The following RNF123 variants were observed in gnomAD, a reference collection of about 807,000 sequenced individuals.
The protein encoded by RNF123 is ring finger protein 123, also known as E3 ubiquitin-protein ligase RNF123.
RNF123 carries 86 observed loss-of-function variants against 168.5 expected under a neutral mutation model. The observed-to-expected ratio is 0.51, with a 90% CI of 0.43 to 0.61. The LOEUF is 0.61. RNF123 is among the 20% of genes least tolerant of loss of function. RNF123 has a pLI of 0.00. For synonymous variants in RNF123, 666 were observed against 689.1 expected, an observed-to-expected ratio of 0.97 and a Z score of 0.52; for missense variants, 1,419 against 1,729.7, an observed-to-expected ratio of 0.82 and a Z score of 3.19.
chr3:49,721,406 C>G lies in RNF123; in HGVS notation c.*101C>G. The G allele has an allele frequency of 1.4e-6, 2 of 1,465,950 alleles. No homozygotes were observed. Among genetic ancestry groups the G allele is most frequent in the East Asian group, 4.5e-5 (2 of 44,204 alleles). The allele number at this position is 1,465,950 out of a possible 1,614,324, so 90.8% of individuals were successfully genotyped here. Reference sequence around the variant, plus strand: ...TTTGCCCTTCTCCTGTATCCCACACCACCACATCCAACCTCCTTGCCTGCC... The same window carrying G: ...TTTGCCCTTCTCCTGTATCCCACACGACCACATCCAACCTCCTTGCCTGCC... On this transcript the variant is annotated 3_prime_UTR_variant, in exon 39 of 39. Transcript: ENST00000327697.
Position 49,721,390 on chromosome 3 carries a change from C to G in RNF123, c.*85C>G, listed in dbSNP as rs773247466. 1.9e-6 allele frequency: 3 copies of G among 1,555,530 alleles called. No individual in the cohort carries two copies. The highest frequency in any genetic ancestry group is 1.8e-6 in the Non-Finnish European group (2 of 1,127,580). ...CTATTTATGAGCTCCCTTTGCCCTT[C>G]TCCTGTATCCCACACCACCACATCC... On this transcript the variant is annotated 3_prime_UTR_variant, in exon 39 of 39. Transcript: ENST00000327697.
At chr3:49,706,930 C>T in intron 26 of RNF123, 32 bp downstream of exon 26, 1 of 1,586,452 alleles carries the variant, frequency 6.3e-7, no homozygotes, top group Non-Finnish European at 8.7e-7. Context: ...CCCTTCCCGA[C>T]CTCACTGTCT....
At chr3:49,696,606 G>C (rs1157288827) in intron 3 of RNF123, among the ~76,000 whole-genome samples, 5 of 150,170 alleles carry the variant, frequency 3.3e-5, no homozygotes, top group African/African-American at 9.8e-5. Context: ...CAAAGTGCTG[G>C]GATTACAGGC....
chr3:49,718,640 CCGA>C, intron 35 of RNF123: 1 of 1,612,976 alleles, frequency 6.2e-7, no homozygotes, highest in Non-Finnish European at 8.5e-7. Context: ...AGAGCTGGGG[CCGA>C]CGAGCAGTTC....
intron 5 of RNF123, among the ~76,000 whole-genome samples, 177 bp from the exon 6 acceptor site, chr3:49,697,708 C>T (rs548754937): frequency 3.0e-4 from 45 of 152,338 alleles, no homozygotes; most frequent in African/African-American, 1.0e-3. Context: ...CCTGCCTTGG[C>T]CCAGGATCCT....
Position 49,712,644 on chromosome 3 carries a change from G to A in RNF123, c.2662G>A (p.Glu888Lys), listed in dbSNP as rs2080165538. 6.2e-7 allele frequency: 1 copy of A among 1,614,018 alleles called. No individual in the cohort carries two copies. Among genetic ancestry groups the A allele is most frequent in the Non-Finnish European group, 8.5e-7 (1 of 1,180,036 alleles). ...KNYFGPVHSM[E>K]ELPGYEETLT... ...TTACTTTGGTCCCGTGCACAGCATGGAGGAGCTCCCAGGTGATGGAACCAT... is the reference window on the plus strand; with the variant it reads ...TTACTTTGGTCCCGTGCACAGCATGAAGGAGCTCCCAGGTGATGGAACCAT... Residue 888 changes from glutamate (E) to lysine (K), a missense_variant, in exon 27 of 39, where the codon GAG becomes AAG. Glu to Lys is a moderately conservative substitution (Grantham distance 56, BLOSUM62 1). Transcript: ENST00000327697.
chr3:49,698,412 A>G (rs762293822), intron 7 of RNF123, 28 bp from the exon 8 acceptor site: 41 of 1,599,540 alleles, frequency 2.6e-5, no homozygotes, highest in Middle Eastern at 1.8e-4. Flanking sequence ...CTGCCTCACC[A>G]GGGACCTCAT....
At chr3:49,718,778 G>T in intron 35 of RNF123, 1 of 1,613,308 alleles carries the variant, frequency 6.2e-7, no homozygotes. Context: ...CGCTGTAGCA[G>T]GTGGTAGAGG....
At chr3:49,718,814 T>G (rs772957215) in intron 35 of RNF123, 1 of 1,613,196 alleles carries the variant, frequency 6.2e-7, no homozygotes, top group African/African-American at 1.3e-5. Context: ...AAAGGGTTGT[T>G]GTGCAAGTAG....
At chr3:49,691,606 T>G in intron 3 of RNF123, 97 bp downstream of exon 3, 2 of 917,548 alleles carry the variant, frequency 2.2e-6, no homozygotes, top group Non-Finnish European at 3.5e-6. Flanking sequence ...TCTGGACAGA[T>G]AGGCTTAGGC....
In RNF123 at chr3:49,698,750, G is replaced by A; in HGVS notation, c.571-5G>A. ...TGCATCTGGTGAGGCCTCCTCTCAT[G>A]GCAGGCGTGGGCAGCGGGGGACATC... On this transcript the variant is annotated splice_polypyrimidine_tract_variant and splice_region_variant and intron_variant, in intron 8 of 38. Coordinates refer to ENST00000327697, the MANE Select transcript of RNF123 (RefSeq NM_022064.5). 2 of 1,613,372 alleles carry A rather than the reference G, an allele frequency of 1.2e-6. No individual in the cohort carries two copies. Among genetic ancestry groups the A allele is most frequent in the Non-Finnish European group, 1.7e-6 (2 of 1,179,732 alleles).
Position 49,703,536 on chromosome 3 carries a change from C to T in RNF123, c.1852+8C>T, listed in dbSNP as rs1043191968. The T allele has an allele frequency of 1.2e-6, 2 of 1,610,918 alleles. No homozygotes were observed. Among genetic ancestry groups the T allele is most frequent in the African/African-American group, 1.3e-5 (1 of 75,012 alleles). On this transcript the variant is annotated splice_region_variant and intron_variant, in intron 21 of 38. Coordinates refer to ENST00000327697, the MANE Select transcript of RNF123 (RefSeq NM_022064.5). ...TGCGGAAGACCCTCAAAGGTGTGTA[C>T]AGGCCTGTGGGCCGGGAGCAGTTCT...
intron 35 of RNF123, 22 bp from the exon 36 acceptor site, chr3:49,720,489 C>T: frequency 6.5e-7 from 1 of 1,540,924 alleles, no homozygotes; most frequent in Non-Finnish European, 8.8e-7. Flanking sequence ...TTCTGACTGC[C>T]CTTGCACCCT....
intron 35 of RNF123, chr3:49,719,646 A>C (rs1340181406): frequency 3.4e-6 from 2 of 591,038 alleles, no homozygotes; most frequent in East Asian, 6.1e-5. Context: ...GCGGTGCGGC[A>C]CTCTTAGCCG....
intron 35 of RNF123, chr3:49,716,771 C>T (rs940296867): frequency 1.8e-5 from 7 of 384,776 alleles, no homozygotes; most frequent in East Asian, 4.7e-5. Flanking sequence ...GAGGGTGTGC[C>T]GTCCTGTGGT....
rs201393611 is a variant in RNF123, at chr3:49,699,633, C to T, written c.880-35C>T. On this transcript the variant is annotated intron_variant, in intron 11 of 38. Coordinates refer to ENST00000327697, the MANE Select transcript of RNF123 (RefSeq NM_022064.5). This position sits in a 1 kb window ranked among gnomAD's most constrained non-coding sequence, Gnocchi z 4.8. ...GGTGGGGGGCTTCCACAGCCTCCTG[C>T]CCCTCACACTTCTCCCTCCTCCCCC... is the stretch of plus-strand genomic sequence containing the variant. The T allele has an allele frequency of 2.1e-5, 34 of 1,612,210 alleles. 1 individual carries two copies. The East Asian group carries it at 7.6e-4, about 36-fold the overall frequency.
Position 49,699,952 on chromosome 3 carries a change from C to A in RNF123, c.984+180C>A. 1 of 706,130 alleles carries A rather than the reference C, an allele frequency of 1.4e-6. No homozygotes were observed. The highest frequency in any genetic ancestry group is 2.4e-6 in the Non-Finnish European group (1 of 424,304). 43.7% of individuals were successfully genotyped at this position (706,130 alleles called of 1,614,324 possible). ...GTCCCCTAGGGAAACAGGGACATTG[C>A]CAACCAAGGGCATCAGGGGATGTCC... On this transcript the variant is annotated intron_variant, in intron 12 of 38. Transcript: ENST00000327697. This position sits in a 1 kb window ranked among gnomAD's most constrained non-coding sequence, Gnocchi z 4.8.
chr3:49,704,481 A>T (rs189656224), intron 21 of RNF123, among the ~76,000 whole-genome samples, 169 bp from the exon 22 acceptor site: 33 of 152,186 alleles, frequency 2.2e-4, no homozygotes, highest in Non-Finnish European at 4.9e-4. Flanking sequence ...TGAGATGCAG[A>T]GTGAAGGCTG....
At chr3:49,704,605 C>T in intron 21 of RNF123, 45 bp from the exon 22 acceptor site, 1 of 1,527,092 alleles carries the variant, frequency 6.5e-7, no homozygotes, top group Non-Finnish European at 9.0e-7. Flanking sequence ...ACTGTGGCCC[C>T]TTGCGCCACC....
Sources: gnomAD v4.1 joint callset for allele counts (sites outside exome capture counted in the v4.1 genomes callset) on GRCh38, gnomAD v4.1.1 for gene constraint, Gnocchi (gnomAD v3.1) non-coding constraint, MANE v1.5 for transcripts, NCBI Gene and HGNC (gene_info 2026-07-23, HGNC 2026-07-21) for gene names.